The following NTRK1 variants were observed in gnomAD, a reference collection of about 807,000 sequenced individuals.
The protein encoded by NTRK1 is neurotrophic receptor tyrosine kinase 1.
NTRK1 carries 62 observed loss-of-function variants against 86.8 expected under a neutral mutation model. The observed-to-expected ratio is 0.71, with a 90% CI of 0.58 to 0.88. The LOEUF (loss-of-function observed/expected upper bound fraction) is 0.88. NTRK1 is among the 40% of genes least tolerant of loss of function. NTRK1 has a pLI of 0.00. For missense variants in NTRK1, 967 were observed against 1,078.4 expected (o/e 0.90, Z 1.45); for synonymous variants, 469 against 456.6 (o/e 1.03, Z -0.35).
At chr1:156,848,836 A>C in intron 2 of NTRK1, 1 of 1,472,218 alleles carries the variant, frequency 6.8e-7, no homozygotes, top group Non-Finnish European at 9.1e-7. Flanking sequence ...AGCCTCGCTG[A>C]GCTCCGCCCT....
At chr1:156,860,555 C>G (rs939949993), upstream of NTRK1, among the ~76,000 whole-genome samples, 8 of 152,236 alleles carry the variant, frequency 5.3e-5, no homozygotes. Context: ...AGTCATCTTC[C>G]CTCCTCCCCA....
intron 2 of NTRK1, among the ~76,000 whole-genome samples, chr1:156,847,111 C>T (rs1452224684): frequency 4.6e-5 from 7 of 152,232 alleles, no homozygotes; most frequent in African/African-American, 1.7e-4. Context: ...CCTAATTCCC[C>T]TAAGTCTAAT....
chr1:156,881,038 C>T (rs778486838), intron 16 of NTRK1, among the ~76,000 whole-genome samples: 8 of 152,200 alleles, frequency 5.3e-5, no homozygotes, highest in African/African-American at 1.2e-4. Flanking sequence ...CTATTTTTCA[C>T]GCCCTTTAAC....
intron 1 of NTRK1, among the ~76,000 whole-genome samples, chr1:156,827,294 C>G (rs1284568520): frequency 6.6e-6 from 1 of 151,110 alleles, no homozygotes; most frequent in East Asian, 1.9e-4. Context: ...CAGAGTCTCA[C>G]TCTGTCACCC....
chr1:156,852,131 C>A, intron 2 of NTRK1: 1 of 1,613,230 alleles, frequency 6.2e-7, no homozygotes, highest in Non-Finnish European at 8.5e-7. Context: ...GCCCCCCAGG[C>A]ATTCGGTGTG....
chr1:156,845,130 G>A, intron 2 of NTRK1: 1 of 1,611,698 alleles, frequency 6.2e-7, no homozygotes, highest in African/African-American at 1.3e-5. Flanking sequence ...CCCACGGTGT[G>A]CGCCGCGTGG....
chr1:156,858,418 C>G (rs1156511739), upstream of NTRK1: 7 of 780,698 alleles, frequency 9.0e-6, no homozygotes. Context: ...AGCGCTAACC[C>G]CAACCCCCAT....
At chr1:156,824,722 T>A (rs1465700855) in intron 1 of NTRK1, among the ~76,000 whole-genome samples, 1 of 152,180 alleles carries the variant, frequency 6.6e-6, no homozygotes, top group Non-Finnish European at 1.5e-5. Flanking sequence ...AGAGATGACA[T>A]GGCAGGGTTG....
At chr1:156,859,879 A>G (rs1162384047), upstream of NTRK1, among the ~76,000 whole-genome samples, 1 of 151,976 alleles carries the variant, frequency 6.6e-6, no homozygotes, top group African/African-American at 2.4e-5. The surrounding 1 kb of genome is among the most constrained non-coding windows in gnomAD (Gnocchi z 6.2). Context: ...CGGATGGGTT[A>G]GTGCAGCCAC....
Position 156,876,653 on chromosome 1 carries a change from G to A in NTRK1, c.1805+81G>A, listed in dbSNP as rs1477480984. ...CCCTTCCCTATAGACATCCCTGCTT[G>A]TCTTTCAAACCAAGGGGAGACACCA... On this transcript the variant is annotated intron_variant, in intron 14 of 16. Transcript: ENST00000524377. 11 of 1,508,072 alleles carry A rather than the reference G, an allele frequency of 7.3e-6. No homozygotes were observed. In the East Asian group the frequency reaches 2.2e-4, roughly 30 times the overall value. The allele number at this position is 1,508,072 out of a possible 1,614,324, so 93.4% of individuals were successfully genotyped here. A position where few individuals can be genotyped will look rare whatever the true frequency, so the allele number is the denominator to read the frequency against.
intron 3 of NTRK1, 25 bp from the exon 4 acceptor site, chr1:156,866,885 T>C: frequency 6.2e-7 from 1 of 1,613,746 alleles, no homozygotes; most frequent in Non-Finnish European, 8.5e-7. Flanking sequence ...AAGGGGTCTG[T>C]CTTGCTGTGT....
upstream of NTRK1, among the ~76,000 whole-genome samples, chr1:156,857,490 A>G (rs1275950846): frequency 6.6e-6 from 1 of 152,118 alleles, no homozygotes; most frequent in Non-Finnish European, 1.5e-5. Context: ...GGGTCCCCTG[A>G]GCAAATACTA....
rs993171726 is a variant in NTRK1, at chr1:156,881,719, G to A, written c.*77G>A. On this transcript the variant is annotated 3_prime_UTR_variant, in exon 17 of 17. Coordinates refer to ENST00000524377, the MANE Select transcript of NTRK1 (RefSeq NM_002529.4). ...TCAGCATCCCCCATAGCTCCCAGCA[G>A]CCCCAGGGTGATCTCAAAGTATCTA... 7.2e-7 allele frequency: 1 copy of A among 1,394,152 alleles called. No individual in the cohort carries two copies. Among genetic ancestry groups the A allele is most frequent in the African/African-American group, 1.5e-5 (1 of 68,810 alleles). 86.4% of individuals were successfully genotyped at this position (1,394,152 alleles called of 1,614,324 possible). A position where few individuals can be genotyped will look rare whatever the true frequency, so the allele number is the denominator to read the frequency against.
chr1:156,865,629 G>A (rs1340938458), intron 3 of NTRK1, among the ~76,000 whole-genome samples: 1 of 152,146 alleles, frequency 6.6e-6, no homozygotes, highest in Non-Finnish European at 1.5e-5. Flanking sequence ...TCCCTCTGTT[G>A]CTCAGGCTGG....
intron 1 of NTRK1, among the ~76,000 whole-genome samples, chr1:156,833,048 A>G (rs1423459023): frequency 6.6e-6 from 1 of 152,174 alleles, no homozygotes; most frequent in Non-Finnish European, 1.5e-5. Flanking sequence ...ACTTATGCCC[A>G]CCCATCTCCA....
intron 2 of NTRK1, chr1:156,845,137 G>T (rs1250065631): frequency 2.5e-6 from 4 of 1,612,014 alleles, no homozygotes; most frequent in Admixed American, 3.3e-5. Flanking sequence ...TGTGCGCCGC[G>T]TGGTTGCAGG....
chr1:156,844,228 C>T lies in NTRK1; in HGVS notation c.50+2035C>T, dbSNP rs763667728. ...CAGCAAGAACGATGAGCAGCGTGAG[C>T]CCCACAGGGGTGGCAGTGAGGAGGA... On this transcript the variant is annotated intron_variant, in intron 2 of 16. Coordinates refer to the NTRK1 transcript ENST00000392302. 6 of 1,613,766 alleles carry T rather than the reference C, an allele frequency of 3.7e-6. No individual in the cohort carries two copies. In the Admixed American group the frequency reaches 5.0e-5, roughly 13 times the overall value.
chr1:156,859,631 C>T (rs369228525), upstream of NTRK1, among the ~76,000 whole-genome samples: 70 of 152,266 alleles, frequency 4.6e-4, no homozygotes, highest in African/African-American at 1.5e-3. The surrounding 1 kb of genome is among the most constrained non-coding windows in gnomAD (Gnocchi z 6.2). Flanking sequence ...ACCAAGATCC[C>T]GAGGAAGAAG....
chr1:156,871,784 A>T, intron 7 of NTRK1, 29 bp downstream of exon 7: 1 of 1,613,028 alleles, frequency 6.2e-7, no homozygotes. Flanking sequence ...TCCGGCACCC[A>T]CCCCCTACTC....
Sources: gnomAD v4.1 joint callset for allele counts (sites outside exome capture counted in the v4.1 genomes callset) on GRCh38, gnomAD v4.1.1 for gene constraint, Gnocchi (gnomAD v3.1) non-coding constraint, MANE v1.5 for transcripts, NCBI Gene and HGNC (gene_info 2026-07-23, HGNC 2026-07-21) for gene names.